TENT5D: variants seen among roughly 807,000 people sequenced by gnomAD.
TENT5D encodes the protein terminal nucleotidyltransferase 5D.
For synonymous variants in TENT5D, 103 were observed against 100.6 expected (o/e 1.02, Z -0.15); for missense variants, 191 against 287.0 (o/e 0.67, Z 2.42).
At chrX:80,396,042 G>A (rs1260049934) in intron 3 of TENT5D, among the ~76,000 whole-genome samples, 2 of 108,846 alleles carry the variant, frequency 1.8e-5, no homozygotes, top group Non-Finnish European at 3.8e-5. Context: ...ACTTTTTATG[G>A]CTGAATAGCA....
chrX:80,338,014 G>A (rs1929886045), intron 2 of TENT5D, among the ~76,000 whole-genome samples: 1 of 111,810 alleles, frequency 8.9e-6, no homozygotes, highest in Non-Finnish European at 1.9e-5. Flanking sequence ...ATCCACCTGC[G>A]TCGGCCTCCC....
intron 3 of TENT5D, among the ~76,000 whole-genome samples, chrX:80,400,585 T>A (rs1931372579): frequency 8.9e-6 from 1 of 112,212 alleles, no homozygotes; most frequent in Non-Finnish European, 1.9e-5. Flanking sequence ...GCAAATACCC[T>A]ATATGCAACT....
intron 3 of TENT5D, among the ~76,000 whole-genome samples, chrX:80,412,961 A>G (rs1184191923): frequency 9.0e-6 from 1 of 110,767 alleles, no homozygotes. Flanking sequence ...TTTTGCCAGT[A>G]AGTCAAGATT....
chrX:80,391,436 CATT>C (rs775721885), intron 3 of TENT5D, among the ~76,000 whole-genome samples: 4 of 112,239 alleles, frequency 3.6e-5, no homozygotes, highest in East Asian at 2.8e-4. Flanking sequence ...ACTTTTTAAA[CATT>C]ATTCATTCTG....
intron 3 of TENT5D, among the ~76,000 whole-genome samples, chrX:80,409,452 A>G (rs887905501): frequency 4.5e-5 from 5 of 111,264 alleles, no homozygotes; most frequent in African/African-American, 1.6e-4. Flanking sequence ...TTATACACCA[A>G]TAACAGACAA....
intron 3 of TENT5D, among the ~76,000 whole-genome samples, chrX:80,373,358 C>T: frequency 9.0e-6 from 1 of 111,148 alleles, no homozygotes; most frequent in Non-Finnish European, 1.9e-5. Flanking sequence ...TTATGATCTG[C>T]TTCCAATTTT....
At chrX:80,387,651 C>G (rs1222616549) in intron 3 of TENT5D, among the ~76,000 whole-genome samples, 5 of 111,638 alleles carry the variant, frequency 4.5e-5, no homozygotes, top group Non-Finnish European at 9.4e-5. Flanking sequence ...GACACAACCC[C>G]CGCTGTAGTC....
At chrX:80,424,613 A>G (rs1931953843) in intron 1 of TENT5D, among the ~76,000 whole-genome samples, 1 of 112,455 alleles carries the variant, frequency 8.9e-6, no homozygotes, top group South Asian at 3.7e-4. Context: ...GAAAACAACT[A>G]CTGAGACTAG....
chrX:80,408,157 C>T (rs1476960524), intron 3 of TENT5D, among the ~76,000 whole-genome samples: 4 of 108,073 alleles, frequency 3.7e-5, no homozygotes, highest in Non-Finnish European at 5.8e-5. Flanking sequence ...CAGGAAAGAT[C>T]CAAAATTGAC....
Position 80,370,590 on chromosome X carries a change from T to C in TENT5D, c.-142+28026T>C, listed in dbSNP as rs1930606078. On this transcript the variant is annotated intron_variant, in intron 3 of 4. Transcript: ENST00000538312. ...AATACTATTAAGTAATATTTTAACA[T>C]GACTTTAAATGGCTGCTTAATAGTC... 2.7e-5 allele frequency among the ~76,000 whole-genome samples: 3 copies of C among 112,435 alleles called. No homozygotes were observed. The South Asian group carries it at 1.1e-3, about 41-fold the overall frequency.
At chrX:80,389,763 G>A (rs1931090742) in intron 3 of TENT5D, among the ~76,000 whole-genome samples, 2 of 112,088 alleles carry the variant, frequency 1.8e-5, no homozygotes, top group African/African-American at 6.5e-5. Context: ...ACTGGGAAAC[G>A]TTTTAGTGGA....
chrX:80,406,248 G>C lies in TENT5D; in HGVS notation c.-141-32362G>C, dbSNP rs1415928936. Among the ~76,000 whole-genome samples the C allele has an allele frequency of 3.6e-5, 4 of 112,363 alleles. No individual in the cohort carries two copies. In the East Asian group the frequency reaches 1.1e-3, roughly 32 times the overall value. On this transcript the variant is annotated intron_variant, in intron 3 of 4. Coordinates refer to the TENT5D transcript ENST00000538312. ...ACCAGCAACAGAACAAAGCTGGATG[G>C]AGAATGACTTCGACGAGCTGAGAGA...
chrX:80,349,671 G>A (rs750108847), intron 3 of TENT5D, among the ~76,000 whole-genome samples: 14 of 110,337 alleles, frequency 1.3e-4, no homozygotes, highest in African/African-American at 4.6e-4. Flanking sequence ...TCTAATCTTA[G>A]CTATTTCTTG....
rs1021241551 is a variant in TENT5D, at chrX:80,361,527, C to A, written c.-142+18963C>A. 5.4e-5 allele frequency among the ~76,000 whole-genome samples: 6 copies of A among 111,901 alleles called. No individual in the cohort carries two copies. In the East Asian group the frequency reaches 1.7e-3, roughly 31 times the overall value. ...TTTTTTTGATATGTTTTTATCATTT[C>A]TTTCAGTCCAATTAATGGTGTATAG... On this transcript the variant is annotated intron_variant, in intron 3 of 4. Transcript: ENST00000538312.
chrX:80,360,196 G>A (rs958515686), intron 3 of TENT5D, among the ~76,000 whole-genome samples: 3 of 112,062 alleles, frequency 2.7e-5, no homozygotes, highest in African/African-American at 9.7e-5. Context: ...GATCTCATTA[G>A]TACTAACTCA....
At position 80,421,262 on chromosome X, in the gene TENT5D, T is replaced by C. The variant is rs531136984; in HGVS notation, c.-142+699T>C. On this transcript the variant is annotated intron_variant, in intron 1 of 2. Coordinates refer to ENST00000308293, the Ensembl canonical transcript of TENT5D. ...GTGCAGTGGCATGATCTCGGCTCAC[T>C]GCAATCTCTGCCTCCCAGGTTCAAG... is the stretch of plus-strand genomic sequence containing the variant. Among the ~76,000 whole-genome samples the C allele has an allele frequency of 1.5e-4, 17 of 111,874 alleles. No individual in the cohort carries two copies. In the South Asian group the frequency reaches 6.4e-3, roughly 42 times the overall value.
intron 3 of TENT5D, among the ~76,000 whole-genome samples, chrX:80,406,885 G>C (rs1931510397): frequency 1.0e-5 from 1 of 98,991 alleles, no homozygotes; most frequent in African/African-American, 3.7e-5. Flanking sequence ...AAGCCCATCA[G>C]ACTAACAGCG....
intron 3 of TENT5D, among the ~76,000 whole-genome samples, chrX:80,396,978 T>G (rs372386064): frequency 1.8e-5 from 1 of 55,658 alleles, no homozygotes; most frequent in African/African-American, 7.0e-5. Context: ...TAGGGGCGGC[T>G]GGGCAGAGGC....
At position 80,374,142 on chromosome X, in the gene TENT5D, A is replaced by G. The variant is rs138942161; in HGVS notation, c.-142+31578A>G. On this transcript the variant is annotated intron_variant, in intron 3 of 4. Coordinates refer to the TENT5D transcript ENST00000538312. ...AGTTTGCTAAGGTTAATGACCTCCA[A>G]TTCCAACCATGTACCTGCAAAGGAC... 4.7e-3 allele frequency among the ~76,000 whole-genome samples: 523 copies of G among 111,217 alleles called. 7 individuals are homozygous for G. Among genetic ancestry groups the G allele is most frequent in the African/African-American group, 0.016 (484 of 30,586 alleles).
Sources: gnomAD v4.1 joint callset for allele counts (sites outside exome capture counted in the v4.1 genomes callset) on GRCh38, gnomAD v4.1.1 for gene constraint, MANE v1.5 for transcripts, NCBI Gene and HGNC (gene_info 2026-07-23, HGNC 2026-07-21) for gene names.